Variants in LIPF observed in about 807,000 individuals in gnomAD.
The protein encoded by LIPF is lipase F, gastric type.
In LIPF, 25 loss-of-function variants were observed where a neutral mutation model predicts 38.0. The observed-to-expected ratio is 0.66, with a 90% CI of 0.48 to 0.92. LIPF has a LOEUF of 0.92. Among genes scored for constraint, LIPF ranks in the 40% least tolerant of loss-of-function variants. The probability of loss-of-function intolerance (pLI) is 0.00; values close to 1 mark genes in which losing one functional copy is unlikely to be tolerated. For missense variants in LIPF, 410 were observed against 469.9 expected, an observed-to-expected ratio of 0.87 and a Z score of 1.18; for synonymous variants, 161 against 156.2, an observed-to-expected ratio of 1.03 and a Z score of -0.23.
rs1466618556 is a variant in LIPF at position 88,673,739 on chromosome 10, G to A, written c.816+5G>A. 2 of 1,603,430 alleles carry A rather than the reference G, an allele frequency of 1.2e-6. No individual in the cohort carries two copies. Among genetic ancestry groups the A allele is most frequent in the African/African-American group, 1.3e-5 (1 of 74,372 alleles). Reference sequence around the variant, plus strand: ...GACAGTAAGAACTTTAACACGGTTAGTATGCATTTCAATTTCTATATTTTG... The same window carrying A: ...GACAGTAAGAACTTTAACACGGTTAATATGCATTTCAATTTCTATATTTTG... On this transcript the variant is annotated splice_donor_5th_base_variant and intron_variant, in intron 7 of 9. Coordinates refer to ENST00000238983, the MANE Select transcript of LIPF (RefSeq NM_004190.4).
chr10:88,673,733 C>T lies in LIPF; in HGVS notation c.815C>T (p.Thr272Met), dbSNP rs749857744. 1.7e-5 allele frequency: 28 copies of T among 1,606,478 alleles called. No individual in the cohort carries two copies. Among genetic ancestry groups the T allele is most frequent in the South Asian group, 1.2e-4 (11 of 89,498 alleles). The part of the protein sequence containing the change: ...ICGFDSKNFN[T>M]SRLDVYLSHN... ...GGATTTGACAGTAAGAACTTTAACACGGTTAGTATGCATTTCAATTTCTAT... is the reference window on the plus strand; with the variant it reads ...GGATTTGACAGTAAGAACTTTAACATGGTTAGTATGCATTTCAATTTCTAT... The change falls in exon 7 of 10, where the codon ACG becomes ATG. Residue 272 changes from threonine to methionine, a missense_variant and splice_region_variant. Physicochemically the swap from Thr to Met is moderately conservative, Grantham distance 81. Transcript: ENST00000238983.
At position 88,676,150 on chromosome 10, in the gene LIPF, A is replaced by G. The variant is rs1157347677; in HGVS notation, c.889-59A>G. The G allele has an allele frequency of 3.9e-6, 4 of 1,022,562 alleles. No homozygotes were observed. The African/African-American group carries it at 6.6e-5, about 17-fold the overall frequency. 63.3% of individuals were successfully genotyped at this position (1,022,562 alleles called of 1,614,324 possible). A position where few individuals can be genotyped will look rare whatever the true frequency, so the allele number is the denominator to read the frequency against. ...AAATAAACTGCTTGGAAATGTTTGA[A>G]TTTTATTTTTCACAATATAATAATT... On this transcript the variant is annotated intron_variant, in intron 8 of 9. Coordinates refer to ENST00000238983, the MANE Select transcript of LIPF (RefSeq NM_004190.4).
In LIPF at chr10:88,675,617, C is replaced by T. The variant is rs1344968098; in HGVS notation, c.848C>T (p.Pro283Leu). The change falls in exon 8 of 10, where the codon CCA (proline) becomes CTA (leucine). Residue 283 changes from proline to leucine, a missense_variant. Coordinates refer to ENST00000238983, the MANE Select transcript of LIPF (RefSeq NM_004190.4). ...TTGGATGTGTATCTATCACATAATC[C>T]AGCAGGAACTTCTGTTCAAAACATG... is the stretch of plus-strand genomic sequence containing the variant. ...SRLDVYLSHN[P>L]AGTSVQNMFH... 1 of 1,605,592 alleles carries T rather than the reference C, an allele frequency of 6.2e-7. No homozygotes were observed.
chr10:88,676,091 G>T (rs1841681738), intron 8 of LIPF, 118 bp from the exon 9 acceptor site: 1 of 610,566 alleles, frequency 1.6e-6, no homozygotes, highest in African/African-American at 1.9e-5. Context: ...CTTTTGGAAT[G>T]AGAAAAATGT....
In LIPF at chr10:88,668,946, T is replaced by C. The variant is rs1841555210; in HGVS notation, c.422+190T>C. ...GGGTAGCTTTTCCTTCAAACTTTTG[T>C]GATCTCAGGAGTCTCCATTAGGGAT... On this transcript the variant is annotated intron_variant, in intron 4 of 9. Transcript: ENST00000238983. The C allele has an allele frequency of 5.2e-6, 3 of 573,140 alleles. No homozygotes were observed. In the South Asian group the frequency reaches 7.2e-5, roughly 14 times the overall value. The allele number at this position is 573,140 out of a possible 1,614,324, so 35.5% of individuals were successfully genotyped here. A position where few individuals can be genotyped will look rare whatever the true frequency, so the allele number is the denominator to read the frequency against.
intron 4 of LIPF, chr10:88,668,972 T>C (rs1841555417): frequency 6.2e-6 from 3 of 480,216 alleles, no homozygotes; most frequent in Admixed American, 3.4e-5. Flanking sequence ...CATTAGGGAT[T>C]TCCAGAAAGT....
At chr10:88,671,774 C>T in intron 5 of LIPF, 55 bp from the exon 6 acceptor site, 1 of 1,541,304 alleles carries the variant, frequency 6.5e-7, no homozygotes. Flanking sequence ...ACAAACAAAA[C>T]AACAACAACA....
chr10:88,668,980 A>T (rs991491910), intron 4 of LIPF: 4 of 470,450 alleles, frequency 8.5e-6, no homozygotes, highest in Admixed American at 6.8e-5. Flanking sequence ...ATTTCCAGAA[A>T]GTGATTTTCC....
chr10:88,677,624 T>C (rs865943490), intron 9 of LIPF, among the ~76,000 whole-genome samples: 3 of 152,216 alleles, frequency 2.0e-5, no homozygotes, highest in South Asian at 2.1e-4. Context: ...AATATTTTGC[T>C]ATGGCAAGTT....
intron 8 of LIPF, 22 bp from the exon 9 acceptor site, chr10:88,676,187 G>C (rs1287550765): frequency 1.4e-6 from 2 of 1,445,410 alleles, no homozygotes; most frequent in African/African-American, 1.4e-5. Context: ...TTATTTGTTT[G>C]CTTTTAATTT....
intron 1 of LIPF, among the ~76,000 whole-genome samples, chr10:88,666,849 G>A (rs948004959): frequency 6.6e-6 from 1 of 152,080 alleles, no homozygotes; most frequent in Non-Finnish European, 1.5e-5. Context: ...TTGAACACAC[G>A]TTATACAGAG....
At chr10:88,672,072 A>T (rs984123531) in intron 6 of LIPF, 107 bp downstream of exon 6, 1 of 1,100,890 alleles carries the variant, frequency 9.1e-7, no homozygotes, top group East Asian at 2.5e-5. Flanking sequence ...TCATTTTTAT[A>T]TCCAAAAATG....
rs112490931 is a variant in LIPF, at chr10:88,668,559, C to G, written c.225C>G (p.Gly75=). The change falls in exon 4 of 10, where the codon GGC becomes GGG. Residue 75 remains glycine, a splice_region_variant and synonymous_variant. Transcript: ENST00000238983. ...GTTTATAAACATTTTCTTCCTTAGG[C>G]CAGAGACCTGTTGTGTTTTTGCAGC... ...PYGKKNSGNT[G]QRPVVFLQHG... The G allele has an allele frequency of 3.7e-6, 6 of 1,613,922 alleles. No individual in the cohort carries two copies. The highest frequency in any genetic ancestry group is 1.1e-5 in the South Asian group (1 of 91,070).
intron 3 of LIPF, 79 bp downstream of exon 3, chr10:88,667,765 C>T: frequency 1.6e-6 from 1 of 638,514 alleles, no homozygotes; most frequent in South Asian, 2.4e-5. Context: ...TCTCTCCTTT[C>T]TTCCTCCAAC....
At chr10:88,678,310 G>A in intron 9 of LIPF, 135 bp from the exon 10 acceptor site, 2 of 717,668 alleles carry the variant, frequency 2.8e-6, no homozygotes, top group African/African-American at 3.5e-5. Context: ...GGATAAAGGT[G>A]GTTTTCTCTG....
intron 3 of LIPF, 85 bp downstream of exon 3, chr10:88,667,771 C>G (rs1168700055): frequency 1.1e-5 from 7 of 625,236 alleles, no homozygotes; most frequent in Non-Finnish European, 2.0e-5. Context: ...CTTTCTTCCT[C>G]CAACTTTTCC....
Position 88,678,320 on chromosome 10 carries a change from G to A in LIPF, c.961-125G>A, listed in dbSNP as rs1564962228. ...TCTGTGGATAAAGGTGGTTTTCTCT[G>A]TGCAATCATTGCTAGAATTCACTTA... On this transcript the variant is annotated intron_variant, in intron 9 of 9. Coordinates refer to ENST00000238983, the MANE Select transcript of LIPF (RefSeq NM_004190.4). 3 of 752,976 alleles carry A rather than the reference G, an allele frequency of 4.0e-6. 1 individual carries two copies. The South Asian group carries it at 4.7e-5, about 12-fold the overall frequency. 46.6% of individuals were successfully genotyped at this position (752,976 alleles called of 1,614,324 possible). A position where few individuals can be genotyped will look rare whatever the true frequency, so the allele number is the denominator to read the frequency against.
rs78402465 is a variant in LIPF, at chr10:88,668,420, C to T, written c.224-138C>T. ...CCCTGAGAAATCATCACCACAATTA[C>T]GATAAGATATTCAAAAATAATCAAC... On this transcript the variant is annotated intron_variant, in intron 3 of 9. Coordinates refer to ENST00000238983, the MANE Select transcript of LIPF (RefSeq NM_004190.4). 1,748 of 755,472 alleles carry T rather than the reference C, an allele frequency of 2.3e-3. 21 individuals are homozygous for T. The African/African-American group carries it at 0.027, about 11-fold the overall frequency. The allele number at this position is 755,472 out of a possible 1,614,324, so 46.8% of individuals were successfully genotyped here. A position where few individuals can be genotyped will look rare whatever the true frequency, so the allele number is the denominator to read the frequency against.
At chr10:88,675,423 T>G (rs969288886) in intron 7 of LIPF, 163 bp from the exon 8 acceptor site, 19 of 592,138 alleles carry the variant, frequency 3.2e-5, no homozygotes, top group Middle Eastern at 8.7e-4. Context: ...CAATTGCACT[T>G]TGCAAATTCT....
Sources: allele counts gnomAD v4.1 joint callset (sites outside exome capture counted in the v4.1 genomes callset), GRCh38; gene constraint gnomAD v4.1.1; transcripts MANE v1.5; gene names NCBI Gene and HGNC (gene_info 2026-07-23, HGNC 2026-07-21).